The following ADAMTS19 variants were observed in gnomAD, a reference collection of about 807,000 sequenced individuals.
The protein encoded by ADAMTS19 is ADAM metallopeptidase with thrombospondin type 1 motif 19, also known as A disintegrin and metalloproteinase with thrombospondin motifs 19.
A neutral mutation model predicts 153.3 loss-of-function variants in ADAMTS19; 93 were observed. That is an observed-to-expected ratio of 0.61 (90% confidence interval 0.51 to 0.72). The LOEUF (loss-of-function observed/expected upper bound fraction) is 0.72, where lower values mean the gene tolerates loss of function less well. Among genes scored for constraint, ADAMTS19 ranks in the 30% least tolerant of loss-of-function variants. ADAMTS19 has a pLI of 0.00. For synonymous variants in ADAMTS19, 600 were observed against 556.6 expected (o/e 1.08, Z -1.10); for missense variants, 1,482 against 1,552.1 (o/e 0.95, Z 0.76).
At chr5:129,656,126 C>A (rs1023081221) in intron 14 of ADAMTS19, among the ~76,000 whole-genome samples, 3 of 151,986 alleles carry the variant, frequency 2.0e-5, no homozygotes, top group African/African-American at 7.3e-5. Flanking sequence ...ATTGTATAAG[C>A]CAAATTTTTA....
rs1442414753 is a variant in ADAMTS19 at position 129,524,772 on chromosome 5, C to T, written c.914-1512C>T. Among the ~76,000 whole-genome samples the T allele has an allele frequency of 6.0e-5, 9 of 150,392 alleles. No individual in the cohort carries two copies. The East Asian group carries it at 9.7e-4, about 16-fold the overall frequency. On this transcript the variant is annotated intron_variant, in intron 3 of 22. Coordinates refer to ENST00000274487, the MANE Select transcript of ADAMTS19 (RefSeq NM_133638.6). ...AGAACTTGAAGGGAAAAAAAAAAAACGAAGGAAAAGAAAATATCAACACCA... is the reference window on the plus strand; with the variant it reads ...AGAACTTGAAGGGAAAAAAAAAAAATGAAGGAAAAGAAAATATCAACACCA...
chr5:129,652,052 G>C (rs1381131770), intron 13 of ADAMTS19, among the ~76,000 whole-genome samples: 2 of 151,952 alleles, frequency 1.3e-5, no homozygotes, highest in African/African-American at 4.8e-5. Flanking sequence ...GAGTTGGATG[G>C]GCATGAATTT....
chr5:129,647,106 G>C (rs1312564556), intron 11 of ADAMTS19, among the ~76,000 whole-genome samples: 1 of 148,680 alleles, frequency 6.7e-6, no homozygotes, highest in Non-Finnish European at 1.5e-5. Flanking sequence ...ACCAAGTAAA[G>C]TATAAAATAA....
At chr5:129,549,153 G>A (rs1247261307) in intron 6 of ADAMTS19, among the ~76,000 whole-genome samples, 1 of 149,634 alleles carries the variant, frequency 6.7e-6, no homozygotes, top group Non-Finnish European at 1.5e-5. Context: ...TTGTGCACAT[G>A]TACCCTAAAA....
At chr5:129,597,602 A>G (rs1194997776) in intron 8 of ADAMTS19, among the ~76,000 whole-genome samples, 1 of 152,064 alleles carries the variant, frequency 6.6e-6, no homozygotes, top group Non-Finnish European at 1.5e-5. Flanking sequence ...TATTTTTAGG[A>G]AGTTTATTAA....
Position 129,654,358 on chromosome 5 carries a change from T to C in ADAMTS19, c.2229T>C (p.Leu743=). The change falls in exon 14 of 23, where the codon CTT becomes CTC. Residue 743 remains leucine, a synonymous_variant. Transcript: ENST00000274487. ...CTGTTGGAAAAGAACAGCCTATTCT[T>C]CTATCAGAAAAAGTGATGGATGGAA... is the stretch of plus-strand genomic sequence containing the variant. The part of the protein sequence containing the change: ...CSPVGKEQPI[L]LSEKVMDGTS... The C allele has an allele frequency of 6.2e-7, 1 of 1,613,282 alleles. No individual in the cohort carries two copies.
intron 14 of ADAMTS19, 119 bp downstream of exon 14, chr5:129,654,552 C>A: frequency 8.9e-7 from 1 of 1,123,442 alleles, no homozygotes; most frequent in Non-Finnish European, 1.3e-6. Context: ...TTGCTATAGT[C>A]CTGCCTTGAC....
At chr5:129,619,360 T>A (rs1253718722) in intron 8 of ADAMTS19, among the ~76,000 whole-genome samples, 1 of 152,076 alleles carries the variant, frequency 6.6e-6, no homozygotes, top group African/African-American at 2.4e-5. Flanking sequence ...CCACATTTGG[T>A]TGTTTAACTC....
intron 6 of ADAMTS19, among the ~76,000 whole-genome samples, chr5:129,532,784 A>G (rs1752256776): frequency 6.6e-6 from 1 of 152,128 alleles, no homozygotes; most frequent in Non-Finnish European, 1.5e-5. Flanking sequence ...ATGCAACCAC[A>G]TGGATGGATG....
intron 2 of ADAMTS19, among the ~76,000 whole-genome samples, chr5:129,471,810 A>AT (rs921113888): frequency 6.6e-6 from 1 of 151,826 alleles, no homozygotes; most frequent in Non-Finnish European, 1.5e-5. Context: ...GTGGTTTTTG[A>AT]TTTTCTGTTC....
intron 16 of ADAMTS19, among the ~76,000 whole-genome samples, chr5:129,666,461 A>G (rs1754060512): frequency 6.6e-6 from 1 of 152,104 alleles, no homozygotes; most frequent in African/African-American, 2.4e-5. Flanking sequence ...TTAATGAGCA[A>G]TAATGTTCCA....
intron 13 of ADAMTS19, among the ~76,000 whole-genome samples, chr5:129,651,640 T>TG (rs1753320550): frequency 6.6e-6 from 1 of 152,196 alleles, no homozygotes; most frequent in Admixed American, 6.5e-5. Flanking sequence ...CTGCTGATTT[T>TG]GGGGTTCAGT....
At chr5:129,565,480 C>T (rs1753674897) in intron 7 of ADAMTS19, among the ~76,000 whole-genome samples, 1 of 152,102 alleles carries the variant, frequency 6.6e-6, no homozygotes, top group African/African-American at 2.4e-5. Context: ...TTCAGATGAT[C>T]TTCTTTTCAC....
At chr5:129,526,510 A>T in intron 4 of ADAMTS19, 54 bp downstream of exon 4, 1 of 1,481,426 alleles carries the variant, frequency 6.8e-7, no homozygotes, top group South Asian at 1.3e-5. Context: ...TCTAAGGAAG[A>T]CATGTGTGAG....
intron 7 of ADAMTS19, among the ~76,000 whole-genome samples, chr5:129,563,948 A>C (rs6882050): frequency 0.84 from 126,472 of 151,358 alleles, 53,072 homozygotes; most frequent in Non-Finnish European, 0.88. Flanking sequence ...GACACGTAGT[A>C]TCTCTTTGTC....
At chr5:129,658,053 G>A (rs1753619963) in intron 14 of ADAMTS19, among the ~76,000 whole-genome samples, 2 of 152,070 alleles carry the variant, frequency 1.3e-5, no homozygotes, top group African/African-American at 4.8e-5. Flanking sequence ...GGGAGGCCAA[G>A]GCAGGCAGAT....
rs188095898 is a variant in ADAMTS19, at chr5:129,530,579, G to A, written c.1328+1902G>A. 3.8e-4 allele frequency among the ~76,000 whole-genome samples: 58 copies of A among 152,246 alleles called. No homozygotes were observed. The East Asian group carries it at 9.6e-3, about 25-fold the overall frequency. On this transcript the variant is annotated intron_variant, in intron 6 of 22. Transcript: ENST00000274487. Reference sequence around the variant, plus strand: ...AAGACAGTGAAACAACATTTCTAATGTATTGAAAGAAAGTAAAATAAAGAA... The same window carrying A: ...AAGACAGTGAAACAACATTTCTAATATATTGAAAGAAAGTAAAATAAAGAA...
chr5:129,552,277 T>C (rs1561567367), intron 7 of ADAMTS19, among the ~76,000 whole-genome samples: 1 of 151,856 alleles, frequency 6.6e-6, no homozygotes, highest in Non-Finnish European at 1.5e-5. Context: ...TTGAGTTATG[T>C]ATGCTTAAAG....
At chr5:129,692,204 A>G (rs1324013389) in intron 18 of ADAMTS19, among the ~76,000 whole-genome samples, 4 of 152,152 alleles carry the variant, frequency 2.6e-5, no homozygotes, top group Non-Finnish European at 5.9e-5. Flanking sequence ...TCTGCATAAT[A>G]TCTATTTGAT....
Sources: allele counts gnomAD v4.1 joint callset (sites outside exome capture counted in the v4.1 genomes callset), GRCh38; gene constraint gnomAD v4.1.1; transcripts MANE v1.5; gene names NCBI Gene and HGNC (gene_info 2026-07-23, HGNC 2026-07-21).